MAP3K9: variants seen among roughly 807,000 people sequenced by gnomAD.
The protein encoded by MAP3K9 is mixed lineage kinase 1 (tyr and ser/thr specificity).
Under a neutral mutation model 95.8 loss-of-function variants are expected in MAP3K9, and 46 were observed. The ratio of observed to expected loss-of-function variants is 0.48; its 90% confidence interval spans 0.38 to 0.61. MAP3K9 has a LOEUF of 0.61. Among genes scored for constraint, MAP3K9 ranks in the 20% least tolerant of loss-of-function variants. The pLI is 0.00. For synonymous variants in MAP3K9, 533 were observed against 593.8 expected, an observed-to-expected ratio of 0.90 and a Z score of 1.49; for missense variants, 1,296 against 1,474.3, an observed-to-expected ratio of 0.88 and a Z score of 1.98.
chr14:70,730,384 G>T lies in MAP3K9; in HGVS notation c.3311C>A (p.Ser1104Tyr). 6.2e-7 allele frequency: 1 copy of T among 1,603,420 alleles called. No individual in the cohort carries two copies. The highest frequency in any genetic ancestry group is 1.1e-5 in the South Asian group (1 of 90,772). ...CCCGCCCCAATCCTTTTCGTGCTAA[G>T]ACCAGAACTCCTGCTGGATCTCATA... ...APYEIQQEFW[S>Y] The change falls in exon 12 of 12, where the codon TCT (serine) becomes TAT (tyrosine). Residue 1104 changes from serine to tyrosine, a missense_variant. By Grantham distance (144) the Ser-to-Tyr change is moderately radical (BLOSUM62 -2). Transcript: ENST00000554752.
In MAP3K9 at chr14:70,730,807, T is replaced by C; in HGVS notation, c.2888A>G (p.Asp963Gly). ...RDPGEFPRLP[D>G]PNVVFPPTPR... ...GGTTGGGGGGAAGACCACATTGGGG[T>C]CAGGGAGACGGGGGAATTCACCTGG... Residue 963 changes from aspartate (D) to glycine (G), a missense_variant, in exon 12 of 12, where the codon GAC (aspartate) becomes GGC (glycine). Asp to Gly is a moderately conservative substitution (Grantham distance 94). Transcript: ENST00000554752. 1 of 1,611,752 alleles carries C rather than the reference T, an allele frequency of 6.2e-7. No individual in the cohort carries two copies. Among genetic ancestry groups the C allele is most frequent in the Non-Finnish European group, 8.5e-7 (1 of 1,179,630 alleles).
chr14:70,734,899 C>T (rs897542799), intron 9 of MAP3K9, among the ~76,000 whole-genome samples: 4 of 152,242 alleles, frequency 2.6e-5, no homozygotes, highest in Non-Finnish European at 4.4e-5. Context: ...CAAAGACCTG[C>T]GAAGCCAGGC....
intron 1 of MAP3K9, among the ~76,000 whole-genome samples, chr14:70,807,079 G>C (rs2054997454): frequency 6.6e-6 from 1 of 152,216 alleles, no homozygotes. Context: ...ATGAGAGGGA[G>C]AGGGGGAACC....
Position 70,730,573 on chromosome 14 carries a change from C to T in MAP3K9, c.3122G>A (p.Ser1041Asn), listed in dbSNP as rs1243404785. ...AAGTCCAGGCCGCTCCTCTACAGTG[C>T]TGCTACTGCTAGCAAAGCAGGAGTC... ...NLDSCFASSSSTVEERPGLPA... is the reference protein window; with the variant it reads ...NLDSCFASSSNTVEERPGLPA... Residue 1041 changes from serine (S) to asparagine (N), a missense_variant, in exon 12 of 12, where the codon AGC (serine) becomes AAC (asparagine). Transcript: ENST00000554752. 7.4e-6 allele frequency: 12 copies of T among 1,613,914 alleles called. No individual in the cohort carries two copies. The highest frequency in any genetic ancestry group is 1.0e-5 in the Non-Finnish European group (12 of 1,180,050).
At position 70,732,254 on chromosome 14, in the gene MAP3K9, G is replaced by C. The variant is rs149467290; in HGVS notation, c.2830+285C>G. On this transcript the variant is annotated intron_variant, in intron 11 of 11. Coordinates refer to ENST00000554752, the MANE Select transcript of MAP3K9 (RefSeq NM_001284230.2). ...CCCTGAAAACACTACCCTACCCTAA[G>C]ACTCAGGGTCTGGACATTCCAAAGG... 1.2e-4 allele frequency among the ~76,000 whole-genome samples: 19 copies of C among 152,214 alleles called. No individual in the cohort carries two copies. The East Asian group carries it at 3.7e-3, about 29-fold the overall frequency.
chr14:70,744,959 G>C (rs925830439), intron 5 of MAP3K9, among the ~76,000 whole-genome samples: 2 of 152,160 alleles, frequency 1.3e-5, no homozygotes, highest in Non-Finnish European at 2.9e-5. Context: ...TTATCCTTAC[G>C]CATGAGTTCA....
At chr14:70,736,177 T>C (rs2053984504) in intron 8 of MAP3K9, 148 bp from the exon 9 acceptor site, 1 of 672,836 alleles carries the variant, frequency 1.5e-6, no homozygotes, top group African/African-American at 1.8e-5. Context: ...CATGAAAGAA[T>C]CTTAACAAGA....
At chr14:70,791,471 G>C (rs2139843717) in intron 2 of MAP3K9, among the ~76,000 whole-genome samples, 1 of 152,328 alleles carries the variant, frequency 6.6e-6, no homozygotes, top group South Asian at 2.1e-4. Flanking sequence ...GGAAATGAAG[G>C]CACGTGGCCC....
rs147126286 is a variant in MAP3K9, at chr14:70,766,577, C to T, written c.821-5395G>A. On this transcript the variant is annotated intron_variant, in intron 2 of 11. Transcript: ENST00000554752. ...ATGGGTCACTTACTACGTAGCAGCA[C>T]GATGCTGTTTATGTCCATCACTTTT... 4.8e-4 allele frequency among the ~76,000 whole-genome samples: 73 copies of T among 152,274 alleles called. No homozygotes were observed. In the East Asian group the frequency reaches 6.7e-3, roughly 14 times the overall value.
intron 5 of MAP3K9, among the ~76,000 whole-genome samples, chr14:70,746,588 C>T (rs2054150122): frequency 6.6e-6 from 1 of 152,198 alleles, no homozygotes; most frequent in South Asian, 2.1e-4. Context: ...CCCAGCTTCA[C>T]CATCATTAAC....
intron 2 of MAP3K9, chr14:70,765,385 T>C (rs778520366): frequency 3.3e-6 from 2 of 608,732 alleles, no homozygotes; most frequent in Non-Finnish European, 5.9e-6. Flanking sequence ...GTTTATAAGG[T>C]CTATGGTGGT....
rs2055038648 is a variant in MAP3K9, at chr14:70,809,211, G to A, written c.-40C>T. ...ATAGGGTGCGGGGCCGCCGCCGCCC[G>A]CAGGAGCCGCCGCCGCCTATTGTTC... On this transcript the variant is annotated 5_prime_UTR_variant, in exon 1 of 12. Coordinates refer to ENST00000554752, the MANE Select transcript of MAP3K9 (RefSeq NM_001284230.2). 1.6e-6 allele frequency: 2 copies of A among 1,282,322 alleles called. No individual in the cohort carries two copies. Among genetic ancestry groups the A allele is most frequent in the African/African-American group, 1.6e-5 (1 of 64,264 alleles). 79.4% of individuals were successfully genotyped at this position (1,282,322 alleles called of 1,614,324 possible). A position where few individuals can be genotyped will look rare whatever the true frequency, so the allele number is the denominator to read the frequency against.
intron 2 of MAP3K9, among the ~76,000 whole-genome samples, chr14:70,783,939 A>T (rs1566760722): frequency 6.6e-6 from 1 of 152,260 alleles, no homozygotes; most frequent in African/African-American, 2.4e-5. Context: ...TTCCATAAAC[A>T]ATCATCTGTG....
rs1486686689 is a variant in MAP3K9 at position 70,725,993 on chromosome 14, A to C, written c.*4387T>G. On this transcript the variant is annotated 3_prime_UTR_variant, in exon 12 of 12. Transcript: ENST00000554752. ...GTCCCCAGTTCACAGTAGGCTTCTG[A>C]AGTCCAGTGAGGGGAAAAGATATGT... is the stretch of plus-strand genomic sequence containing the variant. 1 of 152,210 alleles carries C rather than the reference A, an allele frequency of 6.6e-6. No homozygotes were observed. Among genetic ancestry groups the C allele is most frequent in the Non-Finnish European group, 1.5e-5 (1 of 68,048 alleles). 9.4% of individuals were successfully genotyped at this position (152,210 alleles called of 1,614,324 possible). A position where few individuals can be genotyped will look rare whatever the true frequency, so the allele number is the denominator to read the frequency against.
rs764215927 is a variant in MAP3K9, at chr14:70,732,845, C to T, written c.2524G>A (p.Glu842Lys). The change falls in exon 11 of 12, where the codon GAG becomes AAG. Residue 842 changes from glutamate (E) to lysine (K), a missense_variant. By Grantham distance (56) the Glu-to-Lys change is moderately conservative (BLOSUM62 1). Transcript: ENST00000554752. ...LTLLSLSSISECNSTRSLLRS... is the reference protein window; with the variant it reads ...LTLLSLSSISKCNSTRSLLRS... ...AGCAGGGAGCGTGTGGAGTTGCACT[C>T]GGAGATGGAGGAGAGGGAGAGCAGC... 7 of 1,613,842 alleles carry T rather than the reference C, an allele frequency of 4.3e-6. No individual in the cohort carries two copies. The Admixed American group carries it at 5.0e-5, about 12-fold the overall frequency.
chr14:70,807,181 T>A (rs1221262707), intron 1 of MAP3K9, among the ~76,000 whole-genome samples: 1 of 152,230 alleles, frequency 6.6e-6, no homozygotes, highest in Non-Finnish European at 1.5e-5. Flanking sequence ...TGATATTATG[T>A]GCTAGTTTTT....
intron 2 of MAP3K9, among the ~76,000 whole-genome samples, chr14:70,762,001 A>C (rs2054382113): frequency 6.6e-6 from 1 of 152,246 alleles, no homozygotes; most frequent in South Asian, 2.1e-4. Context: ...ATGTAAATAC[A>C]ATCATACAAT....
chr14:70,739,957 G>T (rs1219816653), intron 7 of MAP3K9, 85 bp downstream of exon 7: 2 of 1,614,200 alleles, frequency 1.2e-6, no homozygotes, highest in Non-Finnish European at 1.7e-6. Flanking sequence ...GATGGAGCAA[G>T]CCTGGACCAG....
chr14:70,745,390 C>G (rs536293049), intron 5 of MAP3K9, among the ~76,000 whole-genome samples: 1 of 152,300 alleles, frequency 6.6e-6, no homozygotes, highest in East Asian at 1.9e-4. Flanking sequence ...ATGCTATAAA[C>G]TCTCCATTCA....
Sources: gnomAD v4.1 joint callset for allele counts (sites outside exome capture counted in the v4.1 genomes callset) on GRCh38, gnomAD v4.1.1 for gene constraint, MANE v1.5 for transcripts, NCBI Gene and HGNC (gene_info 2026-07-23, HGNC 2026-07-21) for gene names.